Variants in PKP1 observed in about 807,000 individuals in gnomAD.
The protein encoded by PKP1 is plakophilin-1.
In PKP1, 27 loss-of-function variants were observed where a neutral mutation model predicts 76.4. The ratio of observed to expected loss-of-function variants is 0.35; its 90% CI spans 0.26 to 0.49. PKP1 has a LOEUF of 0.49. PKP1 is among the 20% of genes least tolerant of loss of function. The pLI, the probability that PKP1 is intolerant of heterozygous loss-of-function variation, is 0.99. For missense variants in PKP1, 964 were observed against 955.2 expected (o/e 1.01, Z -0.12); for synonymous variants, 404 against 384.2 (o/e 1.05, Z -0.60).
rs540307561 is a variant in PKP1 at position 201,312,138 on chromosome 1, G to C, written c.307-1028G>C. 4.6e-4 allele frequency among the ~76,000 whole-genome samples: 70 copies of C among 152,324 alleles called. 1 individual carries two copies. The highest frequency in any genetic ancestry group is 1.7e-3 in the African/African-American group (69 of 41,566). Reference sequence around the variant, plus strand: ...CCCAGGCCTGCCTCCATGTGTGCACGCAGGCCCCTAGCTCACAGTCCCTTG... The same window carrying C: ...CCCAGGCCTGCCTCCATGTGTGCACCCAGGCCCCTAGCTCACAGTCCCTTG... On this transcript the variant is annotated intron_variant, in intron 2 of 13. Coordinates refer to ENST00000367324, the MANE Select transcript of PKP1 (RefSeq NM_001005337.3).
chr1:201,283,958 C>A, intron 1 of PKP1, 54 bp downstream of exon 1: 1 of 1,517,282 alleles, frequency 6.6e-7, no homozygotes, highest in Non-Finnish European at 9.1e-7. Context: ...GCACCCTGGC[C>A]CAGTGGCGGG....
At chr1:201,324,671 T>A in intron 10 of PKP1, 90 bp downstream of exon 10, 1 of 1,490,536 alleles carries the variant, frequency 6.7e-7, no homozygotes, top group Non-Finnish European at 9.3e-7. Flanking sequence ...TTTAAGCCAT[T>A]CCCTGGGATG....
At chr1:201,291,390 C>T (rs999934735) in intron 1 of PKP1, among the ~76,000 whole-genome samples, 3 of 152,226 alleles carry the variant, frequency 2.0e-5, no homozygotes, top group Non-Finnish European at 4.4e-5. Context: ...GCATTCTGGC[C>T]TCTCCCTCCA....
intron 1 of PKP1, among the ~76,000 whole-genome samples, 183 bp from the exon 2 acceptor site, chr1:201,293,759 G>A (rs1319837490): frequency 3.9e-5 from 6 of 152,170 alleles, no homozygotes; most frequent in Admixed American, 3.9e-4. Context: ...CCCTTCCCTT[G>A]GTCCCGGCTG....
At chr1:201,328,964 A>C in intron 13 of PKP1, 96 bp downstream of exon 13, 1 of 817,854 alleles carries the variant, frequency 1.2e-6, no homozygotes, top group Admixed American at 1.7e-5. Flanking sequence ...TCCCAGGGAC[A>C]CAGAAGCATC....
At chr1:201,300,348 G>T (rs73074606) in intron 2 of PKP1, among the ~76,000 whole-genome samples, 2,244 of 152,294 alleles carry the variant, frequency 0.015, 57 homozygotes, top group African/African-American at 0.052. Flanking sequence ...CTTGGGAGGG[G>T]CCCTCCTTTC....
chr1:201,310,734 C>T (rs1656524399), intron 2 of PKP1, among the ~76,000 whole-genome samples: 1 of 152,212 alleles, frequency 6.6e-6, no homozygotes, highest in African/African-American at 2.4e-5. Flanking sequence ...AGCCCACCAG[C>T]ACCATGACAC....
chr1:201,325,035 T>C lies in PKP1; in HGVS notation c.1929T>C (p.Thr643=), dbSNP rs577074825. 9.9e-6 allele frequency: 16 copies of C among 1,613,894 alleles called. No homozygotes were observed. Among genetic ancestry groups the C allele is most frequent in the Middle Eastern group, 1.7e-4 (1 of 6,058 alleles). ...SEDILSSACY[T]VRNLMASQPQ... is the part of the protein sequence containing the mutation. ...ACATCTTGTCCTCGGCCTGCTACAC[T>C]GTGAGGAACCTGATGGCCTCGCAGC... Residue 643 remains threonine, a synonymous_variant, in exon 11 of 14, where the codon ACT becomes ACC. Coordinates refer to ENST00000367324, the MANE Select transcript of PKP1 (RefSeq NM_001005337.3).
chr1:201,311,535 G>C (rs922598295), intron 2 of PKP1, among the ~76,000 whole-genome samples: 2 of 152,174 alleles, frequency 1.3e-5, no homozygotes, highest in African/African-American at 2.4e-5. Context: ...GTCTTTCTGG[G>C]AGCTCAAACC....
Position 201,321,697 on chromosome 1 carries a change from A to C in PKP1, c.1348-281A>C, listed in dbSNP as rs117788091. ...CTCTGTATCATCTTCCAAATAGCCT[A>C]GTGAAATGGACAATTGTAGTCTCAT... On this transcript the variant is annotated intron_variant, in intron 7 of 13. Coordinates refer to ENST00000367324, the MANE Select transcript of PKP1 (RefSeq NM_001005337.3). Among the ~76,000 whole-genome samples the C allele has an allele frequency of 2.9e-3, 446 of 152,320 alleles. 8 individuals carry two copies. In the East Asian group the frequency reaches 0.044, roughly 15 times the overall value.
intron 2 of PKP1, among the ~76,000 whole-genome samples, chr1:201,299,766 A>G (rs1406708286): frequency 6.6e-6 from 1 of 152,254 alleles, no homozygotes; most frequent in East Asian, 1.9e-4. Context: ...TTAGCTTCAC[A>G]GACAGGGAAA....
chr1:201,313,333 C>T lies in PKP1; in HGVS notation c.474C>T (p.Asp158=), dbSNP rs1161048963. The change falls in exon 3 of 14, where the codon GAC becomes GAT. Residue 158 remains aspartate (D), a synonymous_variant. Transcript: ENST00000367324. The stretch of plus-strand genomic sequence containing the variant: ...TCAAGGCGAGCCGCAGTGAGCCCGA[C>T]CTCTACTGTGACCCACGGGGCACCC... The part of the protein sequence containing the change: ...QKIKASRSEP[D]LYCDPRGTLR... 1.3e-6 allele frequency: 2 copies of T among 1,591,556 alleles called. No homozygotes were observed. Among genetic ancestry groups the T allele is most frequent in the Non-Finnish European group, 8.6e-7 (1 of 1,168,894 alleles).
chr1:201,325,896 C>T, intron 12 of PKP1, 58 bp downstream of exon 12: 2 of 1,281,122 alleles, frequency 1.6e-6, no homozygotes, highest in East Asian at 2.3e-5. Flanking sequence ...AGCAGAGGGC[C>T]TGGCATATGC....
At chr1:201,327,069 C>T (rs60386038) in intron 12 of PKP1, among the ~76,000 whole-genome samples, 12,363 of 152,202 alleles carry the variant, frequency 0.081, 659 homozygotes, top group African/African-American at 0.15. Flanking sequence ...CAAGGGGAGC[C>T]CCATGGGGCC....
At chr1:201,299,827 A>T (rs562326260) in intron 2 of PKP1, among the ~76,000 whole-genome samples, 4 of 152,112 alleles carry the variant, frequency 2.6e-5, no homozygotes, top group Non-Finnish European at 5.9e-5. Context: ...CTTAAAACAG[A>T]CCCAACTCCC....
At chr1:201,313,766 T>C (rs904794697) in intron 3 of PKP1, among the ~76,000 whole-genome samples, 1 of 152,232 alleles carries the variant, frequency 6.6e-6, no homozygotes, top group African/African-American at 2.4e-5. Flanking sequence ...GTTCTTAGTG[T>C]GAAGGTGAAA....
rs142096411 is a variant in PKP1 at position 201,324,489 on chromosome 1, G to T, written c.1742G>T (p.Arg581Leu). ...GAAAAGGGCCTGCCACAAATTGCCCGCCTCCTGCAATCTGGCAACTCTGAT... is the reference window on the plus strand; with the variant it reads ...GAAAAGGGCCTGCCACAAATTGCCCTCCTCCTGCAATCTGGCAACTCTGAT... ...LKEKGLPQIA[R>L]LLQSGNSDVV... is the part of the protein sequence containing the mutation. The change falls in exon 10 of 14, where the codon CGC (arginine) becomes CTC (leucine). Residue 581 changes from arginine to leucine, a missense_variant. Transcript: ENST00000367324. 2 of 1,613,948 alleles carry T rather than the reference G, an allele frequency of 1.2e-6. No individual in the cohort carries two copies. The highest frequency in any genetic ancestry group is 1.6e-4 in the Middle Eastern group (1 of 6,084).
At chr1:201,311,669 AC>A (rs1481682171) in intron 2 of PKP1, among the ~76,000 whole-genome samples, 1 of 134,202 alleles carries the variant, frequency 7.5e-6, no homozygotes, top group Non-Finnish European at 1.6e-5. Flanking sequence ...TTGCCTAACG[AC>A]CTCCCCTACA....
chr1:201,309,719 T>C (rs1393061364), intron 2 of PKP1, among the ~76,000 whole-genome samples: 1 of 152,236 alleles, frequency 6.6e-6, no homozygotes, highest in African/African-American at 2.4e-5. Flanking sequence ...CTCTTCTGGC[T>C]GCAGCTGCTC....
Sources: allele counts gnomAD v4.1 joint callset (sites outside exome capture counted in the v4.1 genomes callset), GRCh38; gene constraint gnomAD v4.1.1; transcripts MANE v1.5; gene names NCBI Gene and HGNC (gene_info 2026-07-23, HGNC 2026-07-21).